Variants in RACGAP1 observed in about 807,000 individuals in gnomAD.
RACGAP1 encodes the protein Rac GTPase activating protein 1.
RACGAP1 carries 30 observed loss-of-function variants against 78.1 expected under a neutral mutation model. The ratio of observed to expected loss-of-function variants is 0.38; its 90% CI spans 0.29 to 0.52. The LOEUF (loss-of-function observed/expected upper bound fraction) is 0.52, where lower values mean the gene tolerates loss of function less well. Among genes scored for constraint, RACGAP1 ranks in the 20% least tolerant of loss-of-function variants. RACGAP1 has a pLI of 0.82. For missense variants in RACGAP1, 587 were observed against 777.1 expected (o/e 0.76, Z 2.91); for synonymous variants, 231 against 264.8 (o/e 0.87, Z 1.24).
At chr12:50,016,486 C>T in intron 2 of RACGAP1, 145 bp downstream of exon 2, 1 of 807,480 alleles carries the variant, frequency 1.2e-6, no homozygotes, top group South Asian at 1.5e-5. Context: ...GCCCATTAGG[C>T]TTTGACCACG....
Position 49,999,167 on chromosome 12 carries a change from G to A in RACGAP1, c.853C>T (p.Arg285Cys), listed in dbSNP as rs758995379. 8.1e-6 allele frequency: 13 copies of A among 1,604,192 alleles called. No individual in the cohort carries two copies. Among genetic ancestry groups the A allele is most frequent in the Non-Finnish European group, 1.1e-5 (13 of 1,177,434 alleles). The change falls in exon 9 of 17, where the codon CGC becomes TGC. Residue 285 changes from arginine to cysteine, a missense_variant. Coordinates refer to ENST00000312377, the MANE Select transcript of RACGAP1 (RefSeq NM_001319999.2). Reference protein sequence around the residue: ...VGTPQSNGGMRLHDFVSKTVI... With the variant: ...VGTPQSNGGMCLHDFVSKTVI... ...GTCTTAGAAACAAAGTCATGCAGGC[G>A]CATCCCTCCATTACTCTGTGGCGTG... is the stretch of plus-strand genomic sequence containing the variant.
upstream of RACGAP1, among the ~76,000 whole-genome samples, chr12:50,026,164 G>A (rs747535639): frequency 9.2e-5 from 14 of 152,330 alleles, no homozygotes; most frequent in Non-Finnish European, 1.8e-4. Context: ...CCCACAGTGA[G>A]AAATACATTT....
At chr12:50,022,529 C>G (rs539114811) in intron 1 of RACGAP1, among the ~76,000 whole-genome samples, 3 of 152,190 alleles carry the variant, frequency 2.0e-5, no homozygotes, top group African/African-American at 7.2e-5. Context: ...TTGCAGTGAC[C>G]CAAGATGGCG....
intron 4 of RACGAP1, 30 bp downstream of exon 4, chr12:50,005,226 A>G: frequency 6.2e-7 from 1 of 1,612,214 alleles, no homozygotes; most frequent in Admixed American, 1.7e-5. Flanking sequence ...GTTGCTTGTG[A>G]TAGGATAACA....
At chr12:50,000,545 A>C (rs1220789005) in intron 7 of RACGAP1, among the ~76,000 whole-genome samples, 1 of 152,102 alleles carries the variant, frequency 6.6e-6, no homozygotes, top group Non-Finnish European at 1.5e-5. Flanking sequence ...AGGTGGGAAG[A>C]TCACTTGAGC....
intron 2 of RACGAP1, among the ~76,000 whole-genome samples, chr12:50,010,318 C>CTTTT (rs370154975): frequency 1.5e-4 from 21 of 142,702 alleles, no homozygotes; most frequent in African/African-American, 4.7e-4. Context: ...CTTTTTTTAA[C>CTTTT]TTTTTTTTTT....
intron 5 of RACGAP1, 148 bp from the exon 6 acceptor site, chr12:50,002,448 A>C (rs1592163090): frequency 1.7e-5 from 10 of 575,256 alleles, no homozygotes; most frequent in East Asian, 5.8e-5. Context: ...GGAAGGTCTC[A>C]AGTGTTGTAG....
At chr12:50,030,754 G>A (rs1405408104) in intron 2 of RACGAP1, among the ~76,000 whole-genome samples, 1 of 151,788 alleles carries the variant, frequency 6.6e-6, no homozygotes, top group Non-Finnish European at 1.5e-5. Context: ...TGTTGTACAT[G>A]ATAAATATGT....
chr12:49,991,457 TTATATATATATA>T (rs59257280), intron 15 of RACGAP1, among the ~76,000 whole-genome samples: 1 of 27,412 alleles, frequency 3.6e-5, no homozygotes, highest in Admixed American at 6.3e-4. Flanking sequence ...ATTTAAACTA[TTATATATATATA>T]TATATATATA....
chr12:50,001,700 T>C (rs1948685703), intron 6 of RACGAP1, among the ~76,000 whole-genome samples: 1 of 152,202 alleles, frequency 6.6e-6, no homozygotes, highest in Admixed American at 6.5e-5. Context: ...CCTTTTCCAC[T>C]GTATGAATGA....
intron 10 of RACGAP1, among the ~76,000 whole-genome samples, chr12:49,996,082 C>G (rs1269672576): frequency 6.6e-6 from 1 of 152,074 alleles, no homozygotes; most frequent in Non-Finnish European, 1.5e-5. Context: ...GAGGCCGAGG[C>G]AGGCGGATCA....
At chr12:50,031,590 A>G in intron 2 of RACGAP1, 1 of 695,110 alleles carries the variant, frequency 1.4e-6, no homozygotes, top group African/African-American at 2.0e-5. Flanking sequence ...TCCTCCACGC[A>G]CCTGGCTACC....
upstream of RACGAP1, chr12:50,025,544 A>G (rs1032471326): frequency 4.1e-5 from 40 of 985,334 alleles, no homozygotes; most frequent in Non-Finnish European, 4.5e-5. Context: ...CCGTCCCTCT[A>G]CGGTGTGACG....
chr12:50,026,424 A>C (rs1950267372), upstream of RACGAP1, among the ~76,000 whole-genome samples: 1 of 152,178 alleles, frequency 6.6e-6, no homozygotes, highest in Non-Finnish European at 1.5e-5. Flanking sequence ...AGAGATATAA[A>C]ATTTCAGTTA....
intron 2 of RACGAP1, among the ~76,000 whole-genome samples, chr12:50,030,550 G>C (rs918044506): frequency 6.6e-6 from 1 of 151,610 alleles, no homozygotes; most frequent in Non-Finnish European, 1.5e-5. Flanking sequence ...TCAGTCGGGC[G>C]TCGTGGCACA....
rs750448062 is a variant in RACGAP1 at position 49,997,126 on chromosome 12, G to A, written c.958C>T (p.Arg320Cys). 9.9e-6 allele frequency: 16 copies of A among 1,611,110 alleles called. No individual in the cohort carries two copies. In the South Asian group the frequency reaches 1.4e-4, roughly 14 times the overall value. Reference sequence around the variant, plus strand: ...CGACATTCTGGATGAGAGACCACACGACAGTCTCGACACTTCAGAGATAAT... The same window carrying A: ...CGACATTCTGGATGAGAGACCACACAACAGTCTCGACACTTCAGAGATAAT... ...GKLSLKCRDCRVVSHPECRDR... is the reference protein window; with the variant it reads ...GKLSLKCRDCCVVSHPECRDR... The change falls in exon 10 of 17, where the codon CGT (arginine) becomes TGT (cysteine). Residue 320 changes from arginine to cysteine, a missense_variant. Physicochemically the swap from Arg to Cys is radical, Grantham distance 180 (BLOSUM62 -3). Transcript: ENST00000312377.
chr12:50,021,931 T>C (rs10506289), intron 1 of RACGAP1, among the ~76,000 whole-genome samples: 8,078 of 152,258 alleles, frequency 0.053, 728 homozygotes, highest in African/African-American at 0.18. Flanking sequence ...AAGTCTCTAA[T>C]ACAACTGGCG....
chr12:50,004,422 T>C, intron 4 of RACGAP1, 118 bp from the exon 5 acceptor site: 1 of 1,397,850 alleles, frequency 7.2e-7, no homozygotes. Context: ...AGCAAAATCT[T>C]CACTATAGAG....
intron 12 of RACGAP1, 25 bp from the exon 13 acceptor site, chr12:49,992,680 G>C (rs754540026): frequency 1.9e-6 from 3 of 1,586,420 alleles, no homozygotes; most frequent in Non-Finnish European, 2.6e-6. Flanking sequence ...AAAGCACCAA[G>C]AGGCCTAGAC....
Sources: gnomAD v4.1 joint callset for allele counts (sites outside exome capture counted in the v4.1 genomes callset) on GRCh38, gnomAD v4.1.1 for gene constraint, MANE v1.5 for transcripts, NCBI Gene and HGNC (gene_info 2026-07-23, HGNC 2026-07-21) for gene names.